Variants in ERMN observed in about 807,000 individuals in gnomAD.
The protein encoded by ERMN is ermin, ERM-like protein.
ERMN carries 17 observed loss-of-function variants against 21.4 expected under a neutral mutation model. The ratio of observed to expected loss-of-function variants is 0.80; its 90% CI spans 0.54 to 1.19. ERMN has a LOEUF of 1.19. Ranked by LOEUF, ERMN falls within the 50% of genes most tolerant of loss-of-function variation. The pLI is 0.00. For synonymous variants in ERMN, 115 were observed against 111.9 expected, an observed-to-expected ratio of 1.03 and a Z score of -0.17; for missense variants, 348 against 331.6, an observed-to-expected ratio of 1.05 and a Z score of -0.38.
In ERMN at chr2:157,319,203, G is replaced by C. The variant is rs556398012; in HGVS notation, c.*2068C>G. The C allele has an allele frequency of 6.6e-6, 1 of 152,254 alleles. No homozygotes were observed. Among genetic ancestry groups the C allele is most frequent in the African/African-American group, 2.4e-5 (1 of 41,554 alleles). The allele number at this position is 152,254 out of a possible 1,614,324, so 9.4% of individuals were successfully genotyped here. ...CAGGGTTTTTTTGCAAAAACATTGT[G>C]TCATCCATGAACATGAAGCATTTAC... is the stretch of plus-strand genomic sequence containing the variant. On this transcript the variant is annotated 3_prime_UTR_variant, in exon 3 of 3. Transcript: ENST00000410096.
chr2:157,323,816 G>C (rs1006875944), intron 2 of ERMN, among the ~76,000 whole-genome samples: 1 of 152,040 alleles, frequency 6.6e-6, no homozygotes, highest in Non-Finnish European at 1.5e-5. Context: ...TCACTTCAAT[G>C]TTCTTTTTAT....
At chr2:157,322,147 A>T (rs1182678258) in intron 2 of ERMN, among the ~76,000 whole-genome samples, 1 of 133,796 alleles carries the variant, frequency 7.5e-6, no homozygotes, top group Non-Finnish European at 1.7e-5. Context: ...AGACACACTT[A>T]AAAAAAAAAA....
rs995502124 is a variant in ERMN, at chr2:157,319,871, G to C, written c.*1400C>G. The stretch of plus-strand genomic sequence containing the variant: ...ATTAAAGAAGTTGTCATTAGAATAT[G>C]TGGGATTTATGTTACACATAAATAA... On this transcript the variant is annotated 3_prime_UTR_variant, in exon 3 of 3. Transcript: ENST00000410096. 6.6e-6 allele frequency: 1 copy of C among 152,164 alleles called. No homozygotes were observed. Among genetic ancestry groups the C allele is most frequent in the African/African-American group, 2.4e-5 (1 of 41,454 alleles). The allele number at this position is 152,164 out of a possible 1,614,324, so 9.4% of individuals were successfully genotyped here. A position where few individuals can be genotyped will look rare whatever the true frequency, so the allele number is the denominator to read the frequency against.
rs1459816406 is a variant in ERMN, at chr2:157,319,919, A to G, written c.*1352T>C. ...TAAGCAGTCATCTAAGAGGACTAAC[A>G]TGGAGTTTTTCACAAAATGAAAAAG... On this transcript the variant is annotated 3_prime_UTR_variant, in exon 3 of 3. Coordinates refer to ENST00000410096, the MANE Select transcript of ERMN (RefSeq NM_020711.3). 6 of 152,234 alleles carry G rather than the reference A, an allele frequency of 3.9e-5. No homozygotes were observed. Among genetic ancestry groups the G allele is most frequent in the Non-Finnish European group, 8.8e-5 (6 of 68,032 alleles). 9.4% of individuals were successfully genotyped at this position (152,234 alleles called of 1,614,324 possible). A position where few individuals can be genotyped will look rare whatever the true frequency, so the allele number is the denominator to read the frequency against.
chr2:157,321,219 T>C lies in ERMN; in HGVS notation c.*52A>G. 2 of 1,564,380 alleles carry C rather than the reference T, an allele frequency of 1.3e-6. No individual in the cohort carries two copies. Among genetic ancestry groups the C allele is most frequent in the Non-Finnish European group, 1.7e-6 (2 of 1,159,426 alleles). On this transcript the variant is annotated 3_prime_UTR_variant, in exon 3 of 3. Coordinates refer to ENST00000410096, the MANE Select transcript of ERMN (RefSeq NM_020711.3). ...CATAGAAATATGCACCCTGGGGCAA[T>C]AGAATTAGCTTTTCCTTTAGTGGGC...
upstream of ERMN, chr2:157,327,264 T>G (rs937902111): frequency 3.0e-5 from 16 of 531,394 alleles, no homozygotes; most frequent in South Asian, 1.7e-4. Flanking sequence ...GGACAACACC[T>G]CACTCTTGTA....
upstream of ERMN, chr2:157,327,467 A>T: frequency 1.3e-6 from 1 of 780,414 alleles, no homozygotes. Flanking sequence ...ATAGTAATAC[A>T]CTTACTCTTC....
At position 157,321,512 on chromosome 2, in the gene ERMN, T is replaced by C; in HGVS notation, c.614A>G (p.Glu205Gly). 6.2e-7 allele frequency: 1 copy of C among 1,614,100 alleles called. No homozygotes were observed. Among genetic ancestry groups the C allele is most frequent in the South Asian group, 1.1e-5 (1 of 91,080 alleles). ...NNDEDEVRVI[E>G]FKKKHEEVSQ... is the part of the protein sequence containing the mutation. ...AACCTCTTCATGTTTTTTCTTAAAT[T>C]CTATCACTCGAACTTCATCTTCATC... The change falls in exon 3 of 3, where the codon GAA becomes GGA. Residue 205 changes from glutamate to glycine, a missense_variant. Physicochemically the swap from Glu to Gly is moderately conservative, Grantham distance 98. Transcript: ENST00000410096.
chr2:157,324,237 A>T (rs1275834631), intron 2 of ERMN: 1 of 240,236 alleles, frequency 4.2e-6, no homozygotes, highest in South Asian at 4.0e-5. Context: ...GCACCATTGC[A>T]CTCCAGCCTG....
upstream of ERMN, among the ~76,000 whole-genome samples, chr2:157,327,042 TATATATACAC>T (rs951540593): frequency 6.6e-6 from 1 of 151,016 alleles, no homozygotes; most frequent in African/African-American, 2.4e-5. Flanking sequence ...AAAATAATTA[TATATATACAC>T]ATATATACAC....
intron 1 of ERMN, 142 bp downstream of exon 1, chr2:157,325,259 GT>G (rs1302863932): frequency 2.7e-6 from 3 of 1,113,722 alleles, no homozygotes; most frequent in African/African-American, 3.1e-5. Context: ...AGAGGCAGAG[GT>G]TTAGTCCTTA....
At position 157,325,670 on chromosome 2, in the gene ERMN, G is replaced by C. The variant is rs747127276; in HGVS notation, c.-28C>G. 6.2e-7 allele frequency: 1 copy of C among 1,613,916 alleles called. No individual in the cohort carries two copies. The highest frequency in any genetic ancestry group is 8.5e-7 in the Non-Finnish European group (1 of 1,179,782). ...TGTGCGGTTGAATCCGATCTGGAGA[G>C]AGAGCTTTAGGGAAACTGAGTGAGT... On this transcript the variant is annotated 5_prime_UTR_variant, in exon 1 of 3. Transcript: ENST00000410096.
chr2:157,321,852 T>C, intron 2 of ERMN, 61 bp from the exon 3 acceptor site: 1 of 1,378,128 alleles, frequency 7.3e-7, no homozygotes, highest in South Asian at 1.4e-5. Context: ...CAGCCATTAG[T>C]CTGTTATTCT....
chr2:157,322,733 C>T (rs1683944622), intron 2 of ERMN, among the ~76,000 whole-genome samples: 1 of 152,156 alleles, frequency 6.6e-6, no homozygotes, highest in Admixed American at 6.5e-5. Context: ...AGTAAACTTA[C>T]AGAGATAGAA....
chr2:157,321,105 G>GA lies in ERMN; in HGVS notation c.*165dup. The GA allele has an allele frequency of 9.3e-7, 1 of 1,077,838 alleles. No individual in the cohort carries two copies. The highest frequency in any genetic ancestry group is 1.3e-6 in the Non-Finnish European group (1 of 777,484). The allele number at this position is 1,077,838 out of a possible 1,614,324, so 66.8% of individuals were successfully genotyped here. A position where few individuals can be genotyped will look rare whatever the true frequency, so the allele number is the denominator to read the frequency against. On this transcript the variant is annotated 3_prime_UTR_variant, in exon 3 of 3. Coordinates refer to ENST00000410096, the MANE Select transcript of ERMN (RefSeq NM_020711.3). ...CTTTTTGATTTGAGGTTATCAGACT[G>GA]AATTTTTATCTAGGGTTATTTCCAC...
Position 157,318,755 on chromosome 2 carries a change from T to C in ERMN, c.*2516A>G, listed in dbSNP as rs1405789479. 1.3e-5 allele frequency: 2 copies of C among 152,160 alleles called. No individual in the cohort carries two copies. Among genetic ancestry groups the C allele is most frequent in the African/African-American group, 2.4e-5 (1 of 41,436 alleles). 9.4% of individuals were successfully genotyped at this position (152,160 alleles called of 1,614,324 possible). Reference sequence around the variant, plus strand: ...AGCATTATATGAAAGGTAGATTTTATATTGGCAGAGAAATAGAGCTATTAT... The same window carrying C: ...AGCATTATATGAAAGGTAGATTTTACATTGGCAGAGAAATAGAGCTATTAT... On this transcript the variant is annotated 3_prime_UTR_variant, in exon 3 of 3. Transcript: ENST00000410096.
chr2:157,321,881 T>A, intron 2 of ERMN, 90 bp from the exon 3 acceptor site: 1 of 1,151,190 alleles, frequency 8.7e-7, no homozygotes, highest in Non-Finnish European at 1.2e-6. Context: ...TTTTTCTTGC[T>A]AATCACTTCC....
rs1261920416 is a variant in ERMN, at chr2:157,319,294, G to A, written c.*1977C>T. On this transcript the variant is annotated 3_prime_UTR_variant, in exon 3 of 3. Transcript: ENST00000410096. The stretch of plus-strand genomic sequence containing the variant: ...TTTCATAGTTCATTCATTGTCTGGT[G>A]AGAGCACAGAGCTAAGAGGACCAGC... The A allele has an allele frequency of 6.6e-6, 1 of 152,134 alleles. No individual in the cohort carries two copies. Among genetic ancestry groups the A allele is most frequent in the Non-Finnish European group, 1.5e-5 (1 of 68,026 alleles). 9.4% of individuals were successfully genotyped at this position (152,134 alleles called of 1,614,324 possible).
upstream of ERMN, chr2:157,325,881 C>T (rs1282431345): frequency 3.6e-5 from 50 of 1,395,544 alleles, no homozygotes; most frequent in Middle Eastern, 2.7e-4. Context: ...AAGAATCCAG[C>T]CAATCACCAC....
Sources: allele counts gnomAD v4.1 joint callset (sites outside exome capture counted in the v4.1 genomes callset), GRCh38; gene constraint gnomAD v4.1.1; transcripts MANE v1.5; gene names NCBI Gene and HGNC (gene_info 2026-07-23, HGNC 2026-07-21).